ATXN1: variants seen among roughly 807,000 people sequenced by gnomAD.
ATXN1 encodes the protein ataxin-1.
A neutral mutation model predicts 56.4 loss-of-function variants in ATXN1; 8 were observed. That is an observed-to-expected ratio of 0.14 (90% CI 0.08 to 0.26). ATXN1 has a LOEUF of 0.26. Ranked by LOEUF, ATXN1 falls within the 10% of genes least tolerant of loss-of-function variation. The probability of loss-of-function intolerance (pLI) is 1.00; values close to 1 mark genes in which losing one functional copy is unlikely to be tolerated. For missense variants in ATXN1, 987 were observed against 1,106.5 expected (o/e 0.89, Z 1.53); for synonymous variants, 514 against 494.6 (o/e 1.04, Z -0.52).
At chr6:16,344,007 C>G (rs1250525241) in intron 6 of ATXN1, among the ~76,000 whole-genome samples, 1 of 152,168 alleles carries the variant, frequency 6.6e-6, no homozygotes, top group Non-Finnish European at 1.5e-5. Context: ...CTCGAGCGTG[C>G]GCATCACATT....
chr6:16,479,889 T>G (rs2237194), intron 6 of ATXN1, among the ~76,000 whole-genome samples: 31,483 of 152,068 alleles, frequency 0.21, 3,485 homozygotes, highest in Admixed American at 0.3. Flanking sequence ...TAGTGGCTGA[T>G]GCCTATAATC....
intron 6 of ATXN1, among the ~76,000 whole-genome samples, chr6:16,443,407 T>C (rs1367103793): frequency 6.6e-6 from 1 of 152,114 alleles, no homozygotes; most frequent in African/African-American, 2.4e-5. Context: ...TGAACAAGAA[T>C]CACTTTTCAA....
At chr6:16,689,507 T>C (rs1184712831) in intron 2 of ATXN1, among the ~76,000 whole-genome samples, 1 of 132,362 alleles carries the variant, frequency 7.6e-6, no homozygotes, top group South Asian at 2.3e-4. Flanking sequence ...TTCCTTTTTT[T>C]TTCTTTTTTT....
At chr6:16,454,669 G>A (rs1210875435) in intron 6 of ATXN1, among the ~76,000 whole-genome samples, 1 of 152,144 alleles carries the variant, frequency 6.6e-6, no homozygotes, top group Non-Finnish European at 1.5e-5. Context: ...CTCTCTTACT[G>A]CCATAGACTT....
intron 2 of ATXN1, among the ~76,000 whole-genome samples, chr6:16,669,604 T>C (rs952604064): frequency 2.6e-5 from 4 of 152,020 alleles, no homozygotes; most frequent in Admixed American, 1.3e-4. Context: ...CAGTAAAGAA[T>C]TGATGTCCCT....
chr6:16,374,979 G>C (rs945264678), intron 6 of ATXN1, among the ~76,000 whole-genome samples: 2 of 152,232 alleles, frequency 1.3e-5, no homozygotes, highest in African/African-American at 4.8e-5. Context: ...GCTGAGCCCT[G>C]CTAACTTCCC....
chr6:16,364,842 G>T (rs1401373526), intron 6 of ATXN1, among the ~76,000 whole-genome samples: 3 of 152,192 alleles, frequency 2.0e-5, no homozygotes, highest in African/African-American at 7.2e-5. Flanking sequence ...CATGGTGGTG[G>T]GATATGAAGT....
intron 4 of ATXN1, among the ~76,000 whole-genome samples, chr6:16,580,298 A>G (rs1436940662): frequency 6.6e-6 from 1 of 152,252 alleles, no homozygotes; most frequent in Admixed American, 6.5e-5. Context: ...TTTAGAAAAC[A>G]TATTTAAATG....
intron 2 of ATXN1, among the ~76,000 whole-genome samples, chr6:16,734,650 G>C (rs1760071290): frequency 6.6e-6 from 1 of 152,142 alleles, no homozygotes; most frequent in Non-Finnish European, 1.5e-5. Context: ...GGGGACCACA[G>C]GCGTGTGCTA....
intron 6 of ATXN1, among the ~76,000 whole-genome samples, chr6:16,367,527 G>T (rs1001356672): frequency 6.6e-6 from 1 of 152,166 alleles, no homozygotes; most frequent in Non-Finnish European, 1.5e-5. Flanking sequence ...ATTCAGACTC[G>T]ATTGTATAGG....
intron 2 of ATXN1, among the ~76,000 whole-genome samples, chr6:16,682,587 G>A (rs996795318): frequency 3.9e-5 from 6 of 152,116 alleles, no homozygotes; most frequent in Non-Finnish European, 7.4e-5. Context: ...AAAAAGAAAG[G>A]AACATGTAAA....
chr6:16,716,398 A>G (rs917544857), intron 2 of ATXN1, among the ~76,000 whole-genome samples: 2 of 152,244 alleles, frequency 1.3e-5, no homozygotes, highest in Non-Finnish European at 2.9e-5. Flanking sequence ...GTAAACCAGA[A>G]AACTCACAAC....
At chr6:16,619,729 G>A (rs1251821080) in intron 3 of ATXN1, among the ~76,000 whole-genome samples, 1 of 152,070 alleles carries the variant, frequency 6.6e-6, no homozygotes, top group Non-Finnish European at 1.5e-5. Flanking sequence ...ATGCCCTGGA[G>A]TCAGACTGCT....
At chr6:16,525,778 T>C (rs1761380739) in intron 4 of ATXN1, among the ~76,000 whole-genome samples, 1 of 151,636 alleles carries the variant, frequency 6.6e-6, no homozygotes, top group South Asian at 2.1e-4. Context: ...ACCCCATACA[T>C]ATACACACCT....
At chr6:16,612,161 C>T (rs1763120553) in intron 3 of ATXN1, among the ~76,000 whole-genome samples, 1 of 151,560 alleles carries the variant, frequency 6.6e-6, no homozygotes, top group African/African-American at 2.4e-5. Flanking sequence ...GCCCGGCCAG[C>T]AGATGAAAAT....
At chr6:16,579,730 A>G (rs565992096) in intron 4 of ATXN1, among the ~76,000 whole-genome samples, 1 of 152,214 alleles carries the variant, frequency 6.6e-6, no homozygotes, top group Middle Eastern at 3.4e-3. Flanking sequence ...GGGGGAACAG[A>G]ACACAGTAGA....
At position 16,744,244 on chromosome 6, in the gene ATXN1, C is replaced by T. The variant is rs941236109; in HGVS notation, c.-615+8989G>A. ...CCAACCTTCCACTGGAAGAGCTATCCCCGGAGAAGAGCTACAACAGGAAAG... is the reference window on the plus strand; with the variant it reads ...CCAACCTTCCACTGGAAGAGCTATCTCCGGAGAAGAGCTACAACAGGAAAG... On this transcript the variant is annotated intron_variant, in intron 2 of 7. Transcript: ENST00000436367. Among the ~76,000 whole-genome samples, 3 of 152,106 alleles carry T rather than the reference C, an allele frequency of 2.0e-5. No homozygotes were observed. In the South Asian group the frequency reaches 6.2e-4, roughly 32 times the overall value.
At chr6:16,667,347 T>G (rs1211706078) in intron 2 of ATXN1, 1 of 152,218 alleles carries the variant, frequency 6.6e-6, no homozygotes, top group Non-Finnish European at 1.5e-5. Context: ...CCTCTTCACT[T>G]TCTTGTTTCA....
At chr6:16,462,300 C>G (rs527878829) in intron 6 of ATXN1, among the ~76,000 whole-genome samples, 1 of 152,304 alleles carries the variant, frequency 6.6e-6, no homozygotes, top group South Asian at 2.1e-4. Flanking sequence ...GTAGGACCAT[C>G]AGCTCAGGAG....
Sources: allele counts gnomAD v4.1 joint callset (sites outside exome capture counted in the v4.1 genomes callset), GRCh38; gene constraint gnomAD v4.1.1; transcripts MANE v1.5; gene names NCBI Gene and HGNC (gene_info 2026-07-23, HGNC 2026-07-21).